Variants in LINGO2 observed in about 807,000 individuals in gnomAD.
The protein encoded by LINGO2 is leucine rich repeat and Ig domain containing 2.
A neutral mutation model predicts 30.6 loss-of-function variants in LINGO2; 14 were observed. The ratio of observed to expected loss-of-function variants is 0.46; its 90% CI spans 0.30 to 0.72. The LOEUF (loss-of-function observed/expected upper bound fraction) is 0.72. Ranked by LOEUF, LINGO2 falls within the 30% of genes least tolerant of loss-of-function variation. The pLI is 0.07. For synonymous variants in LINGO2, 317 were observed against 288.5 expected (o/e 1.10, Z -1.00); for missense variants, 729 against 751.7 (o/e 0.97, Z 0.35).
At chr9:28,619,711 A>G (rs991126519) in intron 1 of LINGO2, among the ~76,000 whole-genome samples, 6 of 152,040 alleles carry the variant, frequency 3.9e-5, no homozygotes, top group Non-Finnish European at 5.9e-5. Context: ...CATGCTGCCT[A>G]CTAGGTTTTC....
intron 2 of LINGO2, among the ~76,000 whole-genome samples, chr9:28,382,610 A>G (rs1232199261): frequency 1.3e-5 from 2 of 152,114 alleles, no homozygotes; most frequent in African/African-American, 4.8e-5. Context: ...CAGCTCTTCA[A>G]CACCTAAAAT....
chr9:28,596,922 G>A (rs931312657), intron 1 of LINGO2, among the ~76,000 whole-genome samples: 2 of 152,052 alleles, frequency 1.3e-5, no homozygotes, highest in Non-Finnish European at 2.9e-5. Flanking sequence ...GCTCCAGTGC[G>A]GGTCCCCTGT....
the LINGO2 span, among the ~76,000 whole-genome samples, chr9:28,894,194 T>C: frequency 6.6e-6 from 1 of 152,166 alleles, no homozygotes; most frequent in African/African-American, 2.4e-5. Context: ...CTATTGTGAA[T>C]AGTGTCACAA....
chr9:28,070,276 T>G (rs939737431), intron 4 of LINGO2, among the ~76,000 whole-genome samples: 6 of 152,088 alleles, frequency 3.9e-5, no homozygotes, highest in Non-Finnish European at 8.8e-5. Flanking sequence ...ACAGTTTTTT[T>G]CCTGCGGTTG....
the LINGO2 span, among the ~76,000 whole-genome samples, chr9:28,972,069 C>G: frequency 1.3e-5 from 2 of 152,210 alleles, no homozygotes; most frequent in African/African-American, 4.8e-5. Flanking sequence ...TATGAGTCTG[C>G]AAGAACCACA....
chr9:28,964,552 G>A, the LINGO2 span, among the ~76,000 whole-genome samples: 3 of 151,832 alleles, frequency 2.0e-5, no homozygotes, highest in African/African-American at 4.8e-5. Context: ...TTATTCTGTA[G>A]GAATGAGAAA....
At chr9:28,727,786 A>G in the LINGO2 span, among the ~76,000 whole-genome samples, 5 of 152,170 alleles carry the variant, frequency 3.3e-5, no homozygotes, top group African/African-American at 1.2e-4. Context: ...CATTAGAAGC[A>G]TGGGTTTCCC....
chr9:28,350,292 A>C (rs1264606381), intron 3 of LINGO2, among the ~76,000 whole-genome samples: 4 of 143,222 alleles, frequency 2.8e-5, no homozygotes, highest in South Asian at 2.4e-4. Flanking sequence ...TCAAAATAAA[A>C]GGATGGAGGA....
In LINGO2 at chr9:28,182,386, T is replaced by A. The variant is rs1034044093; in HGVS notation, c.-87+112822A>T. Among the ~76,000 whole-genome samples the A allele has an allele frequency of 3.3e-5, 5 of 152,116 alleles. No individual in the cohort carries two copies. In the East Asian group the frequency reaches 9.7e-4, roughly 29 times the overall value. On this transcript the variant is annotated intron_variant, in intron 4 of 5. Coordinates refer to ENST00000379992, the Ensembl canonical transcript of LINGO2. Reference sequence around the variant, plus strand: ...CTAGAAGAAAATCTAGGCAATACCATTCAGGACATAGGCATGGGCAAACAC... The same window carrying A: ...CTAGAAGAAAATCTAGGCAATACCAATCAGGACATAGGCATGGGCAAACAC...
At chr9:28,224,053 G>A (rs983457681) in intron 4 of LINGO2, among the ~76,000 whole-genome samples, 21 of 152,036 alleles carry the variant, frequency 1.4e-4, no homozygotes, top group Admixed American at 4.6e-4. Context: ...CAGACTATAC[G>A]AAATAAATAA....
At chr9:28,898,140 T>G in the LINGO2 span, among the ~76,000 whole-genome samples, 2 of 152,156 alleles carry the variant, frequency 1.3e-5, no homozygotes, top group African/African-American at 4.8e-5. Context: ...ATATTTAAAA[T>G]TACATTTCAC....
At chr9:28,725,789 C>A in the LINGO2 span, among the ~76,000 whole-genome samples, 1 of 145,172 alleles carries the variant, frequency 6.9e-6, no homozygotes, top group African/African-American at 2.5e-5. Flanking sequence ...ATAAAGGAAA[C>A]TTAAAAATTA....
intron 4 of LINGO2, among the ~76,000 whole-genome samples, chr9:28,282,616 T>C (rs1329915753): frequency 6.6e-6 from 1 of 152,168 alleles, no homozygotes; most frequent in Non-Finnish European, 1.5e-5. Flanking sequence ...TGTACTAGGC[T>C]ATAATAACTG....
chr9:28,326,767 C>A (rs990827829), intron 3 of LINGO2, among the ~76,000 whole-genome samples: 8 of 152,108 alleles, frequency 5.3e-5, no homozygotes, highest in African/African-American at 1.7e-4. Context: ...CTCCATAATT[C>A]ACAAATGTTA....
intron 1 of LINGO2, among the ~76,000 whole-genome samples, chr9:28,543,395 T>A (rs1821790758): frequency 6.6e-6 from 1 of 152,100 alleles, no homozygotes; most frequent in African/African-American, 2.4e-5. Context: ...TTATTCATAA[T>A]TAGAAAGACA....
chr9:28,148,961 A>C lies in LINGO2; in HGVS notation c.-86-136556T>G. The C allele has an allele frequency of 6.5e-7, 1 of 1,534,006 alleles. No homozygotes were observed. Among genetic ancestry groups the C allele is most frequent in the African/African-American group, 1.4e-5 (1 of 73,090 alleles). ...TGCCGGCCACAGTTCCCACAAAAGA[A>C]AACTGTCGGGGCCACCGCTGCAGCT... is the stretch of plus-strand genomic sequence containing the variant. On this transcript the variant is annotated intron_variant, in intron 4 of 5. Transcript: ENST00000379992. The surrounding 1 kb of genome is among the most constrained non-coding windows in gnomAD (Gnocchi z 5.1).
At chr9:28,038,379 CAT>C (rs765259792) in intron 4 of LINGO2, among the ~76,000 whole-genome samples, 1 of 152,140 alleles carries the variant, frequency 6.6e-6, no homozygotes, top group Non-Finnish European at 1.5e-5. Flanking sequence ...TGCACCTGCT[CAT>C]ATTCATAAAT....
chr9:28,235,797 CA>C (rs1199469773), intron 4 of LINGO2, among the ~76,000 whole-genome samples: 2 of 151,728 alleles, frequency 1.3e-5, no homozygotes, highest in African/African-American at 4.8e-5. Flanking sequence ...TCAGAGGAGA[CA>C]AAAAAAGTCA....
At chr9:28,276,143 T>C (rs1306588056) in intron 4 of LINGO2, among the ~76,000 whole-genome samples, 2 of 152,168 alleles carry the variant, frequency 1.3e-5, no homozygotes, top group African/African-American at 4.8e-5. Context: ...TCTGAAATCT[T>C]CATATCAGGA....
Sources: allele counts gnomAD v4.1 joint callset (sites outside exome capture counted in the v4.1 genomes callset), GRCh38; gene constraint gnomAD v4.1.1; non-coding constraint Gnocchi (gnomAD v3.1); transcripts MANE v1.5; gene names NCBI Gene and HGNC (gene_info 2026-07-23, HGNC 2026-07-21).